Variants in SLC30A8 observed in about 807,000 individuals in gnomAD.
SLC30A8 encodes the protein proton-coupled zinc antiporter SLC30A8.
SLC30A8 carries 27 observed loss-of-function variants against 36.9 expected under a neutral mutation model. The observed-to-expected ratio is 0.73, with a 90% CI of 0.54 to 1.01. The LOEUF (loss-of-function observed/expected upper bound fraction) is 1.01, where lower values mean the gene tolerates loss of function less well. SLC30A8 is among the 50% of genes least tolerant of loss of function. The pLI is 0.00. For synonymous variants in SLC30A8, 164 were observed against 172.4 expected (o/e 0.95, Z 0.38); for missense variants, 439 against 452.0 (o/e 0.97, Z 0.26).
chr8:117,085,425 T>G (rs1340050786), intron 2 of SLC30A8, among the ~76,000 whole-genome samples: 1 of 152,188 alleles, frequency 6.6e-6, no homozygotes, highest in African/African-American at 2.4e-5. Flanking sequence ...GATTTCATTG[T>G]TGATGTCTAC....
At chr8:117,071,878 G>C (rs1818341785) in intron 2 of SLC30A8, among the ~76,000 whole-genome samples, 1 of 150,938 alleles carries the variant, frequency 6.6e-6, no homozygotes. Flanking sequence ...TCTCCCATTA[G>C]CCTATCTCCC....
Position 117,176,593 on chromosome 8 carries a change from G to T in SLC30A8, c.*3912G>T, listed in dbSNP as rs1473353247. 5 of 152,506 alleles carry T rather than the reference G, an allele frequency of 3.3e-5. No individual in the cohort carries two copies. The highest frequency in any genetic ancestry group is 7.4e-5 in the Non-Finnish European group (5 of 67,992). 9.4% of individuals were successfully genotyped at this position (152,506 alleles called of 1,614,324 possible). ...AAAAATAAAAAGGTGACCATCTGCG[G>T]TTTAGTTTTTTAACTTTCTGATTTC... On this transcript the variant is annotated 3_prime_UTR_variant, in exon 8 of 8. Coordinates refer to ENST00000456015, the MANE Select transcript of SLC30A8 (RefSeq NM_173851.3).
At chr8:117,026,305 T>A (rs1816869324) in intron 1 of SLC30A8, among the ~76,000 whole-genome samples, 1 of 152,170 alleles carries the variant, frequency 6.6e-6, no homozygotes, top group African/African-American at 2.4e-5. Flanking sequence ...TAAAGATAAG[T>A]CAAGAGCGCT....
At chr8:117,044,093 G>C (rs1817472351) in intron 2 of SLC30A8, among the ~76,000 whole-genome samples, 1 of 152,128 alleles carries the variant, frequency 6.6e-6, no homozygotes, top group African/African-American at 2.4e-5. Context: ...CATTAGAACT[G>C]GCCTTGACAA....
chr8:116,997,374 T>G (rs890850999), intron 1 of SLC30A8, among the ~76,000 whole-genome samples: 3 of 152,254 alleles, frequency 2.0e-5, no homozygotes, highest in African/African-American at 2.4e-5. Flanking sequence ...TCATTATTTA[T>G]GACATTTTCC....
chr8:116,998,751 A>G (rs957217371), intron 1 of SLC30A8, among the ~76,000 whole-genome samples: 11 of 152,220 alleles, frequency 7.2e-5, no homozygotes, highest in African/African-American at 2.7e-4. Flanking sequence ...AGAGAGGGAC[A>G]TAGCTTACAA....
intron 2 of SLC30A8, among the ~76,000 whole-genome samples, chr8:117,099,135 C>G (rs969450319): frequency 8.6e-5 from 13 of 151,748 alleles, no homozygotes; most frequent in Non-Finnish European, 1.5e-4. Flanking sequence ...TCCTCATAAA[C>G]TTTCAGCTGT....
chr8:116,950,647 C>G (rs1813963601), upstream of SLC30A8: 1 of 152,208 alleles, frequency 6.6e-6, no homozygotes, highest in Non-Finnish European at 1.5e-5. Flanking sequence ...AATTGAATTT[C>G]TATAATTACT....
intron 1 of SLC30A8, among the ~76,000 whole-genome samples, chr8:117,035,541 A>G (rs2130747204): frequency 6.6e-6 from 1 of 152,336 alleles, no homozygotes; most frequent in Middle Eastern, 3.4e-3. Context: ...GCAGGGTGCA[A>G]GCTGTCAGTG....
At chr8:116,982,998 A>AT (rs1815327814) in intron 1 of SLC30A8, among the ~76,000 whole-genome samples, 1 of 152,176 alleles carries the variant, frequency 6.6e-6, no homozygotes, top group South Asian at 2.1e-4. Context: ...ACTCTGTCGT[A>AT]TATCATTATT....
intron 2 of SLC30A8, among the ~76,000 whole-genome samples, chr8:117,059,572 A>T (rs937589965): frequency 6.6e-6 from 1 of 152,146 alleles, no homozygotes; most frequent in African/African-American, 2.4e-5. Flanking sequence ...ACCCCTACTC[A>T]TGAATAATAT....
chr8:117,051,505 G>A (rs1333600331), intron 2 of SLC30A8, among the ~76,000 whole-genome samples: 1 of 152,172 alleles, frequency 6.6e-6, no homozygotes, highest in African/African-American at 2.4e-5. Context: ...TACTTCATGT[G>A]AGAGCTGGTT....
At chr8:117,134,293 T>G (rs966115831), upstream of SLC30A8, among the ~76,000 whole-genome samples, 5 of 151,990 alleles carry the variant, frequency 3.3e-5, no homozygotes, top group African/African-American at 1.2e-4. Context: ...TGGGGTTTAC[T>G]CCTGTTCTCC....
At chr8:117,075,157 A>T (rs1199413920) in intron 2 of SLC30A8, among the ~76,000 whole-genome samples, 1 of 152,168 alleles carries the variant, frequency 6.6e-6, no homozygotes, top group Admixed American at 6.5e-5. Flanking sequence ...ATAACAAAAA[A>T]ATAGTGAGCA....
intron 6 of SLC30A8, among the ~76,000 whole-genome samples, chr8:117,169,755 C>T (rs573407878): frequency 2.6e-5 from 4 of 152,008 alleles, no homozygotes; most frequent in South Asian, 4.1e-4. Context: ...GGAGCAAGGG[C>T]AAGGGAGGTG....
At chr8:117,029,036 G>A (rs1341613197) in intron 1 of SLC30A8, among the ~76,000 whole-genome samples, 2 of 152,088 alleles carry the variant, frequency 1.3e-5, no homozygotes, top group Non-Finnish European at 2.9e-5. Context: ...ATTCATTTAA[G>A]GAGATACCAC....
rs117199776 is a variant in SLC30A8, at chr8:117,096,738, T to C, written c.-225-38542T>C. Among the ~76,000 whole-genome samples the C allele has an allele frequency of 2.4e-3, 363 of 152,136 alleles. 1 individual carries two copies. The highest frequency in any genetic ancestry group is 4.2e-3 in the Non-Finnish European group (288 of 68,004). On this transcript the variant is annotated intron_variant, in intron 2 of 10. Coordinates refer to the SLC30A8 transcript ENST00000427715. ...GAAAAGTCATCACTCTTAGGAAGAG[T>C]GGGAACTACCTGCAAAGATGGAGCA...
At chr8:116,993,985 ATACT>A (rs1815732201) in intron 1 of SLC30A8, among the ~76,000 whole-genome samples, 1 of 151,968 alleles carries the variant, frequency 6.6e-6, no homozygotes, top group African/African-American at 2.4e-5. Flanking sequence ...TAGCATTTCT[ATACT>A]TACTAGAGAA....
At chr8:117,043,294 A>T (rs1192072874) in intron 2 of SLC30A8, among the ~76,000 whole-genome samples, 1 of 152,228 alleles carries the variant, frequency 6.6e-6, no homozygotes, top group Non-Finnish European at 1.5e-5. Context: ...CAGACCCTCC[A>T]AACTGTGGAC....
Sources: gnomAD v4.1 joint callset for allele counts (sites outside exome capture counted in the v4.1 genomes callset) on GRCh38, gnomAD v4.1.1 for gene constraint, MANE v1.5 for transcripts, NCBI Gene and HGNC (gene_info 2026-07-23, HGNC 2026-07-21) for gene names.